Variants in PSMC2 observed in about 807,000 individuals in gnomAD.
PSMC2 encodes the protein proteasome 26S subunit, ATPase 2.
Under a neutral mutation model 53.3 loss-of-function variants are expected in PSMC2, and 7 were observed. That is an observed-to-expected ratio of 0.13 (90% CI 0.07 to 0.25). The LOEUF is 0.25. Among genes scored for constraint, PSMC2 ranks in the 10% least tolerant of loss-of-function variants. The pLI, the probability that PSMC2 is intolerant of heterozygous loss-of-function variation, is 1.00. For missense variants in PSMC2, 241 were observed against 544.0 expected, an observed-to-expected ratio of 0.44 and a Z score of 5.54; for synonymous variants, 169 against 183.9, an observed-to-expected ratio of 0.92 and a Z score of 0.66.
intron 1 of PSMC2, among the ~76,000 whole-genome samples, chr7:103,349,437 G>A (rs1471917184): frequency 1.3e-5 from 2 of 151,610 alleles, no homozygotes; most frequent in Non-Finnish European, 2.9e-5. Context: ...GATCTTATGC[G>A]TTTATTCATA....
rs183644599 is a variant in PSMC2, at chr7:103,366,157, A to G, written c.838A>G (p.Ile280Val). ...CLIFFDEIDAIGGARFDDGAG... is the reference protein window; with the variant it reads ...CLIFFDEIDAVGGARFDDGAG... ...TATCTTCTTTGATGAAATTGATGCT[A>G]TTGGAGGTGAGAATGATACGTTAGA... The change falls in exon 9 of 12, where the codon ATT becomes GTT. Residue 280 changes from isoleucine (I) to valine (V), a missense_variant. Ile to Val is a conservative substitution (Grantham distance 29, BLOSUM62 3). Around this residue, in one of 6 missense-constraint regions of PSMC2, gnomAD observed 26 missense variants for 104.7 expected, o/e 0.25. Coordinates refer to ENST00000292644, the MANE Select transcript of PSMC2 (RefSeq NM_002803.4). 10 of 1,611,424 alleles carry G rather than the reference A, an allele frequency of 6.2e-6. No individual in the cohort carries two copies. The highest frequency in any genetic ancestry group is 3.3e-5 in the South Asian group (3 of 90,976).
At chr7:103,362,360 A>G (rs965774019) in intron 5 of PSMC2, 53 of 1,346,416 alleles carry the variant, frequency 3.9e-5, no homozygotes, top group Non-Finnish European at 4.8e-5. Flanking sequence ...AACATGGTAT[A>G]GGTTGGGGGA....
chr7:103,366,015 TTTAC>T, intron 8 of PSMC2, 57 bp from the exon 9 acceptor site: 3 of 1,327,412 alleles, frequency 2.3e-6, no homozygotes, highest in Non-Finnish European at 2.1e-6. Flanking sequence ...AGCATAACTT[TTTAC>T]TTATTTTAAA....
At position 103,367,660 on chromosome 7, in the gene PSMC2, T is replaced by C; in HGVS notation, c.1047+45T>C. On this transcript the variant is annotated intron_variant, in intron 10 of 11. Coordinates refer to ENST00000292644, the MANE Select transcript of PSMC2 (RefSeq NM_002803.4). This position sits in a 1 kb window ranked among gnomAD's most constrained non-coding sequence, Gnocchi z 6.1. ...TTAGGAAAGGGATTTTTGAAGTTTT[T>C]TCTTCCTGTGATTTTTTTCCATTTT... The C allele has an allele frequency of 1.9e-6, 3 of 1,609,082 alleles. No individual in the cohort carries two copies. The highest frequency in any genetic ancestry group is 2.5e-6 in the Non-Finnish European group (3 of 1,177,478).
Position 103,364,256 on chromosome 7 carries a change from G to A in PSMC2, c.705G>A (p.Ala235=), listed in dbSNP as rs144680798. The A allele has an allele frequency of 5.7e-4, 921 of 1,614,200 alleles. No homozygotes were observed. Among genetic ancestry groups the A allele is most frequent in the Non-Finnish European group, 6.9e-4 (812 of 1,180,032 alleles). Residue 235 remains alanine (A), a synonymous_variant, in exon 8 of 12, where the codon GCG becomes GCA. Transcript: ENST00000292644. The stretch of plus-strand genomic sequence containing the variant: ...GGGCAGTTGCTAATCGGACTGATGC[G>A]TGCTTCATTCGAGTTATTGGATCTG... ...CARAVANRTD[A]CFIRVIGSEL...
chr7:103,354,854 C>A lies in PSMC2; in HGVS notation c.109-14C>A. 4 of 1,575,990 alleles carry A rather than the reference C, an allele frequency of 2.5e-6. No individual in the cohort carries two copies. The East Asian group carries it at 9.0e-5, about 35-fold the overall frequency. On this transcript the variant is annotated splice_polypyrimidine_tract_variant and intron_variant, in intron 2 of 11. Coordinates refer to ENST00000292644, the MANE Select transcript of PSMC2 (RefSeq NM_002803.4). Reference sequence around the variant, plus strand: ...TATCCTGATATTCTAACTAAACTGACCTTCATCACCTAGGGTCAGAGCACT... The same window carrying A: ...TATCCTGATATTCTAACTAAACTGAACTTCATCACCTAGGGTCAGAGCACT...
chr7:103,352,065 T>C (rs1018225209), intron 1 of PSMC2, among the ~76,000 whole-genome samples: 5 of 151,912 alleles, frequency 3.3e-5, no homozygotes, highest in African/African-American at 1.2e-4. Flanking sequence ...GATTACCTCA[T>C]TCTAGAATTT....
chr7:103,356,133 C>T (rs938456318), intron 4 of PSMC2, among the ~76,000 whole-genome samples: 2 of 152,060 alleles, frequency 1.3e-5, no homozygotes, highest in Non-Finnish European at 1.5e-5. Flanking sequence ...CCTGTATTTG[C>T]ATGCAAAGAA....
intron 4 of PSMC2, among the ~76,000 whole-genome samples, chr7:103,359,848 G>A (rs1008388029): frequency 1.4e-4 from 22 of 152,068 alleles, no homozygotes; most frequent in African/African-American, 5.1e-4. Flanking sequence ...GGGAGGCTGA[G>A]GCAGGTGGAT....
chr7:103,359,414 GATC>G (rs530306243), intron 4 of PSMC2, among the ~76,000 whole-genome samples: 8 of 151,968 alleles, frequency 5.3e-5, no homozygotes, highest in Non-Finnish European at 4.4e-5. Context: ...ATTGTGCATT[GATC>G]ATCACTATCT....
At chr7:103,348,549 T>G (rs1473478462) in intron 1 of PSMC2, 2 of 743,500 alleles carry the variant, frequency 2.7e-6, no homozygotes, top group Admixed American at 1.9e-5. Flanking sequence ...TCCAATTTGT[T>G]GCTGTTATAA....
intron 4 of PSMC2, among the ~76,000 whole-genome samples, chr7:103,361,530 A>AAAAAAAAAAAAAAAAAAAAAG (rs1820413391): frequency 6.7e-6 from 1 of 149,740 alleles, no homozygotes; most frequent in African/African-American, 2.5e-5. Flanking sequence ...AAAAAAAAAA[A>AAAAAAAAAAAAAAAAAAAAAG]AAAGAAAAAC....
Position 103,350,666 on chromosome 7 carries a change from A to AT in PSMC2, c.70+2897dup, listed in dbSNP as rs879867498. On this transcript the variant is annotated intron_variant, in intron 1 of 11. Transcript: ENST00000292644. ...ACCATGCCATGCTCATTTAAAACTT[A>AT]TTTTTTTTTTTTGTAGAGACAGGGT... is the stretch of plus-strand genomic sequence containing the variant. Among the ~76,000 whole-genome samples the AT allele has an allele frequency of 2.0e-3, 288 of 144,176 alleles. 1 individual carries two copies. The highest frequency in any genetic ancestry group is 2.7e-3 in the Non-Finnish European group (177 of 65,290). 94.6% of individuals were successfully genotyped at this position (144,176 alleles called of 152,430 possible). A position where few individuals can be genotyped will look rare whatever the true frequency, so the allele number is the denominator to read the frequency against.
chr7:103,360,841 A>C (rs937553231), intron 4 of PSMC2, among the ~76,000 whole-genome samples: 1 of 152,184 alleles, frequency 6.6e-6, no homozygotes, highest in Admixed American at 6.5e-5. Flanking sequence ...GCCGGGTGCA[A>C]TGGCTCACGC....
chr7:103,356,364 G>A (rs1243770285), intron 4 of PSMC2, among the ~76,000 whole-genome samples: 1 of 152,076 alleles, frequency 6.6e-6, no homozygotes, highest in Admixed American at 6.5e-5. Flanking sequence ...ATTTCTGTAG[G>A]CTAGCTTACT....
intron 2 of PSMC2, among the ~76,000 whole-genome samples, chr7:103,354,432 G>A (rs1360188050): frequency 6.7e-6 from 1 of 149,022 alleles, no homozygotes; most frequent in African/African-American, 2.5e-5. Flanking sequence ...GCAATGGCGC[G>A]ATCTTGGTTC....
Position 103,362,719 on chromosome 7 carries a change from A to G in PSMC2, c.456A>G (p.Pro152=). ...VDRNKYQIHI[P]LPPKIDPTVT... is the part of the protein sequence containing the mutation. ...GAAATAAATATCAAATTCACATTCC[A>G]TTGCCTCCTAAGATTGACCCAACAG... Residue 152 remains proline (P), a synonymous_variant, in exon 6 of 12, where the codon CCA becomes CCG. Coordinates refer to ENST00000292644, the MANE Select transcript of PSMC2 (RefSeq NM_002803.4). The G allele has an allele frequency of 1.2e-6, 2 of 1,606,358 alleles. No individual in the cohort carries two copies. The highest frequency in any genetic ancestry group is 1.7e-6 in the Non-Finnish European group (2 of 1,173,400).
intron 4 of PSMC2, 51 bp from the exon 5 acceptor site, chr7:103,361,906 A>C: frequency 6.5e-7 from 1 of 1,544,810 alleles, no homozygotes. Context: ...AGTTGAATTC[A>C]TTATTAGTGG....
At chr7:103,360,612 A>G (rs750453774) in intron 4 of PSMC2, among the ~76,000 whole-genome samples, 5 of 152,116 alleles carry the variant, frequency 3.3e-5, no homozygotes, top group South Asian at 2.1e-4. Context: ...CGCACTCCAC[A>G]GGCTATTTTT....
Sources: gnomAD v4.1 joint callset for allele counts (sites outside exome capture counted in the v4.1 genomes callset) on GRCh38, gnomAD v4.1.1 for gene constraint, gnomAD v4.1.1 regional missense constraint, Gnocchi (gnomAD v3.1) non-coding constraint, MANE v1.5 for transcripts, NCBI Gene and HGNC (gene_info 2026-07-23, HGNC 2026-07-21) for gene names.